Variants in ROS1 observed in about 807,000 individuals in gnomAD.
The protein encoded by ROS1 is proto-oncogene tyrosine-protein kinase ROS.
In ROS1, 263 loss-of-function variants were observed where a neutral mutation model predicts 273.5. The ratio of observed to expected loss-of-function variants is 0.96; its 90% CI spans 0.87 to 1.06. The LOEUF is 1.06. Among genes scored for constraint, ROS1 ranks in the 50% least tolerant of loss-of-function variants. The probability of loss-of-function intolerance (pLI) is 0.00; values close to 1 mark genes in which losing one functional copy is unlikely to be tolerated. For missense variants in ROS1, 2,833 were observed against 2,751.1 expected, an observed-to-expected ratio of 1.03 and a Z score of -0.67; for synonymous variants, 1,008 against 954.1, an observed-to-expected ratio of 1.06 and a Z score of -1.04.
intron 43 of ROS1, among the ~76,000 whole-genome samples, chr6:117,290,506 A>G (rs970310090): frequency 6.6e-6 from 1 of 152,254 alleles, no homozygotes; most frequent in African/African-American, 2.4e-5. Context: ...CAAAGATAGC[A>G]TGCACTGGGC....
At chr6:117,393,761 G>A (rs1211298043) in intron 11 of ROS1, among the ~76,000 whole-genome samples, 1 of 152,126 alleles carries the variant, frequency 6.6e-6, no homozygotes, top group Non-Finnish European at 1.5e-5. Flanking sequence ...CTTCCGAAAA[G>A]TACAGTACTA....
chr6:117,328,740 C>T (rs1046648367), intron 33 of ROS1: 11 of 613,608 alleles, frequency 1.8e-5, no homozygotes, highest in South Asian at 4.2e-5. Flanking sequence ...TTATGGTTCA[C>T]GTGCTCCCCG....
At chr6:117,389,945 T>TA in intron 12 of ROS1, 99 bp from the exon 13 acceptor site, 5 of 1,065,732 alleles carry the variant, frequency 4.7e-6, no homozygotes, top group Non-Finnish European at 6.8e-6. Context: ...ATCAGAACTA[T>TA]GTATCTCTGA....
At chr6:117,339,383 G>A (rs1242307603) in intron 31 of ROS1, among the ~76,000 whole-genome samples, 1 of 152,092 alleles carries the variant, frequency 6.6e-6, no homozygotes, top group Admixed American at 6.6e-5. Context: ...AATTTTGACA[G>A]AAATGACAGA....
At chr6:117,376,506 T>C (rs1781343752) in intron 18 of ROS1, among the ~76,000 whole-genome samples, 1 of 152,110 alleles carries the variant, frequency 6.6e-6, no homozygotes, top group African/African-American at 2.4e-5. Flanking sequence ...TTGAGACTAC[T>C]ATAACTCTTA....
intron 39 of ROS1, among the ~76,000 whole-genome samples, chr6:117,311,774 T>G (rs551112507): frequency 6.6e-6 from 1 of 152,232 alleles, no homozygotes; most frequent in African/African-American, 2.4e-5. Flanking sequence ...CCTGTACTGG[T>G]TGCAATGATT....
At chr6:117,413,520 C>G (rs1299750877) in intron 4 of ROS1, among the ~76,000 whole-genome samples, 1 of 152,134 alleles carries the variant, frequency 6.6e-6, no homozygotes, top group Non-Finnish European at 1.5e-5. Context: ...TAGGAAACAT[C>G]AAAACGTCAA....
At chr6:117,350,651 C>T (rs1477930527) in intron 27 of ROS1, among the ~76,000 whole-genome samples, 1 of 150,826 alleles carries the variant, frequency 6.6e-6, no homozygotes, top group South Asian at 2.1e-4. Flanking sequence ...GTGTAGTTTC[C>T]CCACAGTTCT....
chr6:117,319,752 ATTCAACCAGTCCTCTT>A, intron 37 of ROS1, 100 bp downstream of exon 37: 2 of 893,548 alleles, frequency 2.2e-6, no homozygotes, highest in Non-Finnish European at 3.5e-6. Context: ...AGGCTTCGAC[ATTCAACCAGTCCTCTT>A]TTCAACAAAG....
At chr6:117,367,197 T>C (rs988037401) in intron 18 of ROS1, among the ~76,000 whole-genome samples, 13 of 152,144 alleles carry the variant, frequency 8.5e-5, no homozygotes, top group African/African-American at 3.1e-4. Flanking sequence ...CAGAAGGGCT[T>C]TGGGACCAGC....
At position 117,425,799 on chromosome 6, in the gene ROS1, C is replaced by T. The variant is rs1562401377; in HGVS notation, c.-143G>A. The T allele has an allele frequency of 3.6e-6, 3 of 831,216 alleles. No homozygotes were observed. The highest frequency in any genetic ancestry group is 5.3e-5 in the East Asian group (2 of 37,478). The allele number at this position is 831,216 out of a possible 1,614,324, so 51.5% of individuals were successfully genotyped here. ...GTTTTGCTATATTAGGATATACTTG[C>T]CTTTTGAAATAATACTTAGCCTTTT... On this transcript the variant is annotated 5_prime_UTR_variant, in exon 1 of 44. Coordinates refer to ENST00000368507, the MANE Select transcript of ROS1 (RefSeq NM_001378902.1).
chr6:117,317,533 A>G (rs1362534583), intron 38 of ROS1, among the ~76,000 whole-genome samples: 4 of 152,180 alleles, frequency 2.6e-5, no homozygotes, highest in African/African-American at 9.6e-5. Context: ...ATTTTGGAAA[A>G]GAAAGTAATT....
Position 117,374,898 on chromosome 6 carries a change from C to T in ROS1, c.2582+4161G>A, listed in dbSNP as rs142977063. On this transcript the variant is annotated intron_variant, in intron 18 of 43. Coordinates refer to ENST00000368507, the MANE Select transcript of ROS1 (RefSeq NM_001378902.1). ...ACTATGGAAAACAGTGTGAAAATTC[C>T]TTCAAGAACTAAAAGTAGATCTACC... Among the ~76,000 whole-genome samples the T allele has an allele frequency of 3.8e-3, 582 of 152,270 alleles. 3 individuals are homozygous for T. Among genetic ancestry groups the T allele is most frequent in the African/African-American group, 0.013 (559 of 41,554 alleles).
At chr6:117,413,482 G>A (rs969516945) in intron 4 of ROS1, among the ~76,000 whole-genome samples, 1 of 151,998 alleles carries the variant, frequency 6.6e-6, no homozygotes, top group African/African-American at 2.4e-5. Context: ...ATGAAATACA[G>A]GACAGGTAAG....
intron 25 of ROS1, 85 bp from the exon 26 acceptor site, chr6:117,357,000 C>A (rs936357606): frequency 4.3e-6 from 5 of 1,167,088 alleles, no homozygotes; most frequent in Admixed American, 2.2e-5. Flanking sequence ...GCAACTATTG[C>A]TAATGACTGT....
At chr6:117,370,691 T>C (rs1237052199) in intron 18 of ROS1, among the ~76,000 whole-genome samples, 3 of 152,194 alleles carry the variant, frequency 2.0e-5, no homozygotes, top group African/African-American at 4.8e-5. Flanking sequence ...TATTTGGATA[T>C]TGACTTGATA....
rs780736075 is a variant in ROS1 at position 117,387,983 on chromosome 6, G to A, written c.1796C>T (p.Ala599Val). ...CACCTCATAGGTCCAGTTCTGCCAG[G>A]CAGAAGGGCCTAATTCAAAGAGTTC... Reference protein sequence around the residue: ...PALAIGASPSAWQNWTYEVKV... With the variant: ...PALAIGASPSVWQNWTYEVKV... Residue 599 changes from alanine to valine, a missense_variant, in exon 14 of 44, where the codon GCC becomes GTC. Ala to Val is a moderately conservative substitution (Grantham distance 64, BLOSUM62 0). Coordinates refer to ENST00000368507, the MANE Select transcript of ROS1 (RefSeq NM_001378902.1). 1.2e-6 allele frequency: 2 copies of A among 1,614,138 alleles called. No individual in the cohort carries two copies. The highest frequency in any genetic ancestry group is 3.3e-5 in the Admixed American group (2 of 60,024).
intron 32 of ROS1, among the ~76,000 whole-genome samples, chr6:117,336,903 A>G (rs1777522612): frequency 6.6e-6 from 1 of 152,150 alleles, no homozygotes; most frequent in Admixed American, 6.6e-5. Context: ...AGTTATCACC[A>G]TAAAATTGTC....
At chr6:117,363,015 T>C in intron 21 of ROS1, 150 bp from the exon 22 acceptor site, 1 of 732,004 alleles carries the variant, frequency 1.4e-6, no homozygotes, top group Non-Finnish European at 2.1e-6. Flanking sequence ...TTAAAGATCT[T>C]CAGGAGAGAA....
Sources: gnomAD v4.1 joint callset for allele counts (sites outside exome capture counted in the v4.1 genomes callset) on GRCh38, gnomAD v4.1.1 for gene constraint, MANE v1.5 for transcripts, NCBI Gene and HGNC (gene_info 2026-07-23, HGNC 2026-07-21) for gene names.